The following THADA variants were observed in gnomAD, a reference collection of about 807,000 sequenced individuals.
The protein encoded by THADA is THADA armadillo repeat containing.
THADA carries 213 observed loss-of-function variants against 219.8 expected under a neutral mutation model. The ratio of observed to expected loss-of-function variants is 0.97; its 90% confidence interval spans 0.87 to 1.09. The LOEUF (loss-of-function observed/expected upper bound fraction) is 1.09, where lower values mean the gene tolerates loss of function less well. THADA is among the 50% of genes least tolerant of loss of function. THADA has a pLI of 0.00. For missense variants in THADA, 2,956 were observed against 2,311.3 expected (o/e 1.28, Z -5.72); for synonymous variants, 1,018 against 828.9 (o/e 1.23, Z -3.92).
chr2:43,463,154 C>A (rs1025486488), intron 26 of THADA: 1 of 152,232 alleles, frequency 6.6e-6, no homozygotes, highest in Non-Finnish European at 1.5e-5. Context: ...AATATTCTCT[C>A]TCTCTTTTTT....
chr2:43,248,009 C>T (rs1669337765), intron 36 of THADA, among the ~76,000 whole-genome samples: 1 of 151,212 alleles, frequency 6.6e-6, no homozygotes, highest in Non-Finnish European at 1.5e-5. Context: ...CACTGCTGTA[C>T]TCCAGCCTGG....
Position 43,306,461 on chromosome 2 carries a change from C to T in THADA, c.4439-13248G>A, listed in dbSNP as rs72877354. Among the ~76,000 whole-genome samples, 940 of 152,286 alleles carry T rather than the reference C, an allele frequency of 6.2e-3. 14 individuals are homozygous for T. The highest frequency in any genetic ancestry group is 0.021 in the African/African-American group (893 of 41,560). On this transcript the variant is annotated intron_variant, in intron 31 of 37. Transcript: ENST00000405975. ...AGTCCATGGGATACTGCAAAACCAA[C>T]TTGGGAGTCAACTGCTAACTGGGAA...
chr2:43,237,241 T>C (rs1366082259), intron 36 of THADA, among the ~76,000 whole-genome samples: 1 of 151,618 alleles, frequency 6.6e-6, no homozygotes, highest in Non-Finnish European at 1.5e-5. Context: ...GGTACCAAAA[T>C]AATGGGGAAA....
At chr2:43,446,286 C>T (rs1681535925) in intron 26 of THADA, among the ~76,000 whole-genome samples, 1 of 152,216 alleles carries the variant, frequency 6.6e-6, no homozygotes, top group Non-Finnish European at 1.5e-5. Flanking sequence ...TATGTAAGTG[C>T]CTCCTTCCTT....
At chr2:43,363,883 C>T (rs1669803999) in intron 29 of THADA, among the ~76,000 whole-genome samples, 1 of 151,944 alleles carries the variant, frequency 6.6e-6, no homozygotes, top group Non-Finnish European at 1.5e-5. Context: ...CATGATGGCA[C>T]CATTGCACTC....
chr2:43,544,136 C>T (rs1259574758), intron 20 of THADA, among the ~76,000 whole-genome samples: 10 of 152,246 alleles, frequency 6.6e-5, no homozygotes, highest in African/African-American at 2.4e-4. Flanking sequence ...GGAATCCTCT[C>T]CCCCATTGCT....
chr2:43,314,811 A>C (rs776401328), intron 31 of THADA, among the ~76,000 whole-genome samples: 1 of 152,234 alleles, frequency 6.6e-6, no homozygotes, highest in African/African-American at 2.4e-5. Flanking sequence ...GAAAAAGAAC[A>C]CAGGGGACAG....
At chr2:43,278,812 G>T (rs1673016309) in intron 36 of THADA, among the ~76,000 whole-genome samples, 1 of 152,180 alleles carries the variant, frequency 6.6e-6, no homozygotes, top group Non-Finnish European at 1.5e-5. Context: ...CCCAGCCACA[G>T]TAACTGATGA....
chr2:43,520,562 C>T (rs1166882243), intron 22 of THADA, among the ~76,000 whole-genome samples: 1 of 151,976 alleles, frequency 6.6e-6, no homozygotes, highest in Non-Finnish European at 1.5e-5. Context: ...TGGTGGTGCA[C>T]ACCTGTAGTC....
chr2:43,481,148 C>T (rs921381010), intron 26 of THADA, among the ~76,000 whole-genome samples: 35 of 152,308 alleles, frequency 2.3e-4, no homozygotes, highest in Admixed American at 5.9e-4. Flanking sequence ...TCTATAAGCA[C>T]GATGCTGGAC....
chr2:43,490,196 C>A lies in THADA; in HGVS notation c.3745-4871G>T, dbSNP rs1175112246. Among the ~76,000 whole-genome samples, 3 of 152,096 alleles carry A rather than the reference C, an allele frequency of 2.0e-5. No homozygotes were observed. In the South Asian group the frequency reaches 6.2e-4, roughly 31 times the overall value. On this transcript the variant is annotated intron_variant, in intron 25 of 37. Coordinates refer to ENST00000405975, the MANE Select transcript of THADA (RefSeq NM_022065.5). ...CAATTTCTGTATGATGACCTTTTGT[C>A]CTGAAACCTTGCTAATAGACAAGCT...
chr2:43,293,209 C>T lies in THADA; in HGVS notation c.4443G>A (p.Leu1481=). The T allele has an allele frequency of 6.2e-7, 1 of 1,602,050 alleles. No homozygotes were observed. Among genetic ancestry groups the T allele is most frequent in the African/African-American group, 1.3e-5 (1 of 74,580 alleles). Residue 1481 remains leucine (L), a synonymous_variant, in exon 32 of 38, where the codon CTG becomes CTA. Transcript: ENST00000405975. ...NRSAKDNQPV[L]ESLGFWEEVR... is the part of the protein sequence containing the mutation. ...CTTCCTCCCAGAAGCCAAGACTCTC[C>T]AGAACTAAGAAGCAAAAAAAGCAAA...
At chr2:43,571,054 A>T (rs1162778290) in intron 13 of THADA, among the ~76,000 whole-genome samples, 1 of 152,116 alleles carries the variant, frequency 6.6e-6, no homozygotes, top group African/African-American at 2.4e-5. Flanking sequence ...CCAGGAGTTT[A>T]AGACCAGCCT....
At chr2:43,359,438 G>T (rs904835322) in intron 29 of THADA, among the ~76,000 whole-genome samples, 2 of 152,222 alleles carry the variant, frequency 1.3e-5, no homozygotes, top group Non-Finnish European at 2.9e-5. Context: ...CCAGGACTTT[G>T]GGAGGCTGAG....
At chr2:43,448,560 C>CTTTTTTTTTTTTTTTTTTTTTTTTTTT (rs71410179) in intron 26 of THADA, among the ~76,000 whole-genome samples, 4 of 103,630 alleles carry the variant, frequency 3.9e-5, no homozygotes, top group Non-Finnish European at 5.7e-5. Flanking sequence ...TTCTTCCTTT[C>CTTTTTTTTTTTTTTTTTTTTTTTTTTT]TTTTTTTTTT....
intron 26 of THADA, among the ~76,000 whole-genome samples, chr2:43,446,256 C>A (rs150981671): frequency 6.6e-6 from 1 of 152,228 alleles, no homozygotes; most frequent in Non-Finnish European, 1.5e-5. Context: ...AGATGGTCAA[C>A]AAACTTCTAT....
chr2:43,282,219 G>C (rs1673443254), intron 35 of THADA, among the ~76,000 whole-genome samples: 1 of 152,188 alleles, frequency 6.6e-6, no homozygotes, highest in Admixed American at 6.5e-5. Flanking sequence ...GGAGAAGCTT[G>C]ACTAAGGTTT....
chr2:43,540,395 T>G (rs1277038229), intron 21 of THADA, among the ~76,000 whole-genome samples: 1 of 152,200 alleles, frequency 6.6e-6, no homozygotes, highest in East Asian at 1.9e-4. Flanking sequence ...AGTCATGTGG[T>G]TATTATAGAA....
intron 26 of THADA, among the ~76,000 whole-genome samples, chr2:43,453,048 A>AGGATAATAAGT (rs1356557398): frequency 2.0e-5 from 3 of 152,188 alleles, no homozygotes; most frequent in African/African-American, 7.2e-5. Flanking sequence ...GTCTGTGAAC[A>AGGATAATAAGT]CTCAGGCTGA....
Sources: allele counts gnomAD v4.1 joint callset (sites outside exome capture counted in the v4.1 genomes callset), GRCh38; gene constraint gnomAD v4.1.1; transcripts MANE v1.5; gene names NCBI Gene and HGNC (gene_info 2026-07-23, HGNC 2026-07-21).